The following ATP13A3 variants were observed in gnomAD, a reference collection of about 807,000 sequenced individuals.
The protein encoded by ATP13A3 is polyamine-transporting ATPase 13A3.
Under a neutral mutation model 158.1 loss-of-function variants are expected in ATP13A3, and 59 were observed. The observed-to-expected ratio is 0.37, with a 90% CI of 0.30 to 0.46. The LOEUF (loss-of-function observed/expected upper bound fraction) is 0.46, where lower values mean the gene tolerates loss of function less well. Ranked by LOEUF, ATP13A3 falls within the 20% of genes least tolerant of loss-of-function variation. The probability of loss-of-function intolerance (pLI) is 1.00; values close to 1 mark genes in which losing one functional copy is unlikely to be tolerated. For missense variants in ATP13A3, 1,166 were observed against 1,525.2 expected (o/e 0.76, Z 3.92); for synonymous variants, 491 against 504.3 (o/e 0.97, Z 0.35).
chr3:194,404,252 A>G lies in ATP13A3; in HGVS notation c.*1667T>C. 2 of 348,672 alleles carry G rather than the reference A, an allele frequency of 5.7e-6. No individual in the cohort carries two copies. Among genetic ancestry groups the G allele is most frequent in the South Asian group, 4.2e-5 (2 of 47,992 alleles). The allele number at this position is 348,672 out of a possible 1,614,324, so 21.6% of individuals were successfully genotyped here. A position where few individuals can be genotyped will look rare whatever the true frequency, so the allele number is the denominator to read the frequency against. On this transcript the variant is annotated 3_prime_UTR_variant, in exon 34 of 34. Transcript: ENST00000645319. ...AATGTGTATTAATAGCATATTATAC[A>G]TTTGATGGAAAACTTCGATTATATT...
intron 7 of ATP13A3, 43 bp downstream of exon 7, chr3:194,457,051 T>C: frequency 6.8e-7 from 1 of 1,469,252 alleles, no homozygotes; most frequent in South Asian, 1.2e-5. Context: ...CTACTGCTTT[T>C]AGGAATTTTG....
intron 28 of ATP13A3, among the ~76,000 whole-genome samples, chr3:194,427,557 G>C (rs111530758): frequency 6.6e-6 from 1 of 151,604 alleles, no homozygotes; most frequent in African/African-American, 2.4e-5. Flanking sequence ...CCAGCAATTT[G>C]GGAGGCCACA....
At position 194,403,924 on chromosome 3, in the gene ATP13A3, G is replaced by GGC; in HGVS notation, c.*1994_*1995insGC. The GGC allele has an allele frequency of 3.1e-6, 1 of 318,070 alleles. No homozygotes were observed. The highest frequency in any genetic ancestry group is 6.1e-6 in the Non-Finnish European group (1 of 163,948). The allele number at this position is 318,070 out of a possible 1,614,324, so 19.7% of individuals were successfully genotyped here. On this transcript the variant is annotated 3_prime_UTR_variant, in exon 34 of 34. Coordinates refer to ENST00000645319, the MANE Select transcript of ATP13A3 (RefSeq NM_001367549.1). ...CTCTAAATGTTAAAAAAGTGGGGGGGGGGTGTCAAAAATAGCTCTTTATGA... is the reference window on the plus strand; with the variant it reads ...CTCTAAATGTTAAAAAAGTGGGGGGGGCGGGTGTCAAAAATAGCTCTTTATGA...
intron 9 of ATP13A3, 140 bp downstream of exon 9, chr3:194,454,118 G>A (rs1318207170): frequency 1.3e-5 from 12 of 898,620 alleles, no homozygotes; most frequent in Non-Finnish European, 1.5e-5. Flanking sequence ...AAAAGGGAGG[G>A]GAGAAGGAGC....
rs1720987721 is a variant in ATP13A3, at chr3:194,486,580, G to GGCC, written c.-106_-104dup. The GGCC allele has an allele frequency of 6.6e-6, 1 of 150,682 alleles. No homozygotes were observed. Among genetic ancestry groups the GGCC allele is most frequent in the Non-Finnish European group, 1.5e-5 (1 of 67,242 alleles). The allele number at this position is 150,682 out of a possible 1,614,324, so 9.3% of individuals were successfully genotyped here. ...GCCCCGCTCACCGGGGCCGCTCACT[G>GGCC]GCCGCCGCCGCGCCGCCTCCTCCGC... On this transcript the variant is annotated 5_prime_UTR_variant, in exon 1 of 34. Transcript: ENST00000645319.
chr3:194,458,249 G>A (rs1719382026), intron 6 of ATP13A3, among the ~76,000 whole-genome samples: 1 of 151,612 alleles, frequency 6.6e-6, no homozygotes, highest in South Asian at 2.1e-4. Flanking sequence ...AGTTTCTATG[G>A]CTGGCAAAAG....
chr3:194,436,893 T>C (rs933202610), intron 20 of ATP13A3, among the ~76,000 whole-genome samples: 3 of 152,114 alleles, frequency 2.0e-5, no homozygotes, highest in Non-Finnish European at 2.9e-5. Flanking sequence ...GGGGTGAGAC[T>C]GTCTCTCAAA....
chr3:194,429,091 A>G (rs913486213), intron 27 of ATP13A3, among the ~76,000 whole-genome samples, 174 bp from the exon 28 acceptor site: 1 of 152,136 alleles, frequency 6.6e-6, no homozygotes, highest in South Asian at 2.1e-4. Context: ...ATATATTTAT[A>G]AATATTTGAT....
At chr3:194,445,424 A>G (rs1203223764) in intron 14 of ATP13A3, among the ~76,000 whole-genome samples, 1 of 152,234 alleles carries the variant, frequency 6.6e-6, no homozygotes. Context: ...GATATTTTAA[A>G]TATCCTCTAG....
intron 20 of ATP13A3, 83 bp from the exon 21 acceptor site, chr3:194,433,979 A>G: frequency 7.4e-7 from 1 of 1,348,858 alleles, no homozygotes; most frequent in African/African-American, 1.5e-5. Context: ...ATATCTAAAC[A>G]ATTAAAAATG....
In ATP13A3 at chr3:194,403,371, A is replaced by G. The variant is rs1365346968; in HGVS notation, c.*2548T>C. 4 of 152,236 alleles carry G rather than the reference A, an allele frequency of 2.6e-5. No individual in the cohort carries two copies. Among genetic ancestry groups the G allele is most frequent in the Admixed American group, 6.5e-5 (1 of 15,280 alleles). 9.4% of individuals were successfully genotyped at this position (152,236 alleles called of 1,614,324 possible). A position where few individuals can be genotyped will look rare whatever the true frequency, so the allele number is the denominator to read the frequency against. ...AGCATTATTTGCAGCATTGCTTTAC[A>G]GCAGTTGGTGCTAGAAGATACAAAA... On this transcript the variant is annotated 3_prime_UTR_variant, in exon 34 of 34. Coordinates refer to ENST00000645319, the MANE Select transcript of ATP13A3 (RefSeq NM_001367549.1).
chr3:194,455,268 C>G (rs530556234), intron 8 of ATP13A3, among the ~76,000 whole-genome samples: 1 of 152,194 alleles, frequency 6.6e-6, no homozygotes, highest in South Asian at 2.1e-4. Flanking sequence ...CTTCACCCAC[C>G]CAAATGTCAT....
chr3:194,470,072 ATAATT>A (rs1382513992), intron 2 of ATP13A3, among the ~76,000 whole-genome samples: 1 of 152,212 alleles, frequency 6.6e-6, no homozygotes, highest in Non-Finnish European at 1.5e-5. Context: ...ATGACATAAT[ATAATT>A]TAATGAATAC....
At chr3:194,410,735 C>T (rs556305835) in intron 33 of ATP13A3, among the ~76,000 whole-genome samples, 6 of 152,148 alleles carry the variant, frequency 3.9e-5, no homozygotes, top group Admixed American at 2.0e-4. Context: ...GGGGTTACTC[C>T]CCTTCAAAAC....
chr3:194,410,799 A>T (rs1445151532), intron 33 of ATP13A3, among the ~76,000 whole-genome samples: 1 of 151,940 alleles, frequency 6.6e-6, no homozygotes. Flanking sequence ...GAATATGAAA[A>T]ATCGGAATGT....
chr3:194,457,389 G>A (rs761493832), intron 6 of ATP13A3, among the ~76,000 whole-genome samples: 2 of 152,022 alleles, frequency 1.3e-5, no homozygotes, highest in Non-Finnish European at 2.9e-5. Context: ...CAACTTCGAA[G>A]CTATTCAATA....
intron 8 of ATP13A3, among the ~76,000 whole-genome samples, chr3:194,454,622 A>AT (rs1417162758): frequency 8.3e-6 from 1 of 120,966 alleles, no homozygotes. Flanking sequence ...AGGTCAGGAG[A>AT]TCAAAACATC....
At chr3:194,428,986 T>C in intron 27 of ATP13A3, 69 bp from the exon 28 acceptor site, 1 of 1,080,400 alleles carries the variant, frequency 9.3e-7, no homozygotes, top group East Asian at 2.7e-5. Context: ...CAGGTTTTAT[T>C]AATAGTTTGG....
intron 21 of ATP13A3, 152 bp downstream of exon 21, chr3:194,433,620 C>T (rs1243382670): frequency 8.6e-6 from 8 of 925,374 alleles, no homozygotes; most frequent in East Asian, 2.6e-5. Context: ...AGTTATCTTG[C>T]GCTTGGGAAA....
Sources: allele counts gnomAD v4.1 joint callset (sites outside exome capture counted in the v4.1 genomes callset), GRCh38; gene constraint gnomAD v4.1.1; transcripts MANE v1.5; gene names NCBI Gene and HGNC (gene_info 2026-07-23, HGNC 2026-07-21).